UTP6: variants seen among roughly 807,000 people sequenced by gnomAD.
UTP6 encodes the protein U3 small nucleolar RNA-associated protein 6 homolog.
UTP6 carries 60 observed loss-of-function variants against 96.5 expected under a neutral mutation model. That is an observed-to-expected ratio of 0.62 (90% CI 0.51 to 0.77). UTP6 has a LOEUF of 0.77. Ranked by LOEUF, UTP6 falls within the 30% of genes least tolerant of loss-of-function variation. UTP6 has a pLI of 0.00. For synonymous variants in UTP6, 215 were observed against 240.1 expected, an observed-to-expected ratio of 0.90 and a Z score of 0.96; for missense variants, 637 against 706.5, an observed-to-expected ratio of 0.90 and a Z score of 1.12.
chr17:31,896,873 C>T (rs1312033610), intron 2 of UTP6, among the ~76,000 whole-genome samples: 5 of 151,812 alleles, frequency 3.3e-5, no homozygotes, highest in African/African-American at 7.3e-5. Context: ...TGGGCTCAAG[C>T]GATCTGCCTG....
In UTP6 at chr17:31,875,318, C is replaced by G. The variant is rs199600351; in HGVS notation, c.1221G>C (p.Gln407His). Residue 407 changes from glutamine (Q) to histidine (H), a missense_variant, in exon 14 of 19, where the codon CAG becomes CAC. Gln to His is a conservative substitution (Grantham distance 24). Coordinates refer to ENST00000261708, the MANE Select transcript of UTP6 (RefSeq NM_018428.3). ...ELFRDSGTMWQLKLQVLIESK... is the reference protein window; with the variant it reads ...ELFRDSGTMWHLKLQVLIESK... The stretch of plus-strand genomic sequence containing the variant: ...ACTCGATCAGCACCTGCAGCTTCAG[C>G]TGCCACATTGTCCCAGAGTCTCTAA... The G allele has an allele frequency of 1.1e-5, 18 of 1,614,094 alleles. No homozygotes were observed. The highest frequency in any genetic ancestry group is 8.5e-7 in the Non-Finnish European group (1 of 1,180,046).
At chr17:31,866,913 A>AAAG (rs58862601) in intron 17 of UTP6, among the ~76,000 whole-genome samples, 5 of 147,266 alleles carry the variant, frequency 3.4e-5, no homozygotes, top group Admixed American at 6.9e-5. Context: ...AAAAAAAAAA[A>AAAG]GTCAATTTAA....
rs142908717 is a variant in UTP6 at position 31,893,243 on chromosome 17, G to A, written c.313-449C>T. Among the ~76,000 whole-genome samples, 28 of 151,642 alleles carry A rather than the reference G, an allele frequency of 1.8e-4. No homozygotes were observed. The East Asian group carries it at 5.3e-3, about 29-fold the overall frequency. Reference sequence around the variant, plus strand: ...CTGCACTCCAGCCTGGGCAACATAGGGAAGCTCCAACTCAAAAAAACAAAC... The same window carrying A: ...CTGCACTCCAGCCTGGGCAACATAGAGAAGCTCCAACTCAAAAAAACAAAC... On this transcript the variant is annotated intron_variant, in intron 4 of 18. Coordinates refer to ENST00000261708, the MANE Select transcript of UTP6 (RefSeq NM_018428.3).
rs751917028 is a variant in UTP6, at chr17:31,889,358, G to A, written c.470C>T (p.Ser157Phe). The change falls in exon 7 of 19, where the codon TCT becomes TTT. Residue 157 changes from serine (S) to phenylalanine (F), a missense_variant. Physicochemically the swap from Ser to Phe is radical, Grantham distance 155. Transcript: ENST00000261708. ...AAATAGTTGCCTTGCGCTTTCTGAAGACAATCGATCTTCCATTTCCCATTT... is the reference window on the plus strand; with the variant it reads ...AAATAGTTGCCTTGCGCTTTCTGAAAACAATCGATCTTCCATTTCCCATTT... ...AAKWEMEDRLSSESARQLFLR... is the reference protein window; with the variant it reads ...AAKWEMEDRLFSESARQLFLR... The A allele has an allele frequency of 6.2e-7, 1 of 1,613,830 alleles. No homozygotes were observed. Among genetic ancestry groups the A allele is most frequent in the Non-Finnish European group, 8.5e-7 (1 of 1,179,922 alleles).
At chr17:31,886,101 C>T (rs1598110570) in intron 8 of UTP6, 40 bp from the exon 9 acceptor site, 2 of 1,571,902 alleles carry the variant, frequency 1.3e-6, no homozygotes, top group South Asian at 2.3e-5. Context: ...ACAGGTAGTA[C>T]AAGGAGGAAA....
chr17:31,865,302 T>G (rs1326601518), intron 18 of UTP6, 64 bp downstream of exon 18: 2 of 1,550,574 alleles, frequency 1.3e-6, no homozygotes, highest in East Asian at 4.5e-5. Flanking sequence ...CATGAGCCAC[T>G]GTACTCAGCC....
intron 18 of UTP6, 92 bp from the exon 19 acceptor site, chr17:31,863,608 C>T (rs1469997604): frequency 1.7e-6 from 2 of 1,183,066 alleles, no homozygotes; most frequent in East Asian, 5.1e-5. Context: ...TTCTAAGAAA[C>T]TTAACTTCTC....
intron 16 of UTP6, among the ~76,000 whole-genome samples, chr17:31,872,206 G>A (rs961761380): frequency 2.0e-5 from 3 of 150,932 alleles, no homozygotes; most frequent in African/African-American, 4.9e-5. Flanking sequence ...AAAAAAAAAA[G>A]AAATTTTTTT....
At chr17:31,866,160 G>A (rs944076158) in intron 17 of UTP6, among the ~76,000 whole-genome samples, 5 of 151,116 alleles carry the variant, frequency 3.3e-5, no homozygotes, top group Non-Finnish European at 7.4e-5. Flanking sequence ...GGTGGCGGGT[G>A]CCTGTAGTCC....
chr17:31,868,163 ACATCT>A, intron 16 of UTP6, 51 bp from the exon 17 acceptor site: 1 of 1,539,776 alleles, frequency 6.5e-7, no homozygotes, highest in Non-Finnish European at 8.9e-7. Context: ...AAAGCCTCTT[ACATCT>A]CATAACTGTA....
intron 1 of UTP6, among the ~76,000 whole-genome samples, chr17:31,900,993 T>C (rs1432818839): frequency 6.6e-6 from 1 of 152,176 alleles, no homozygotes; most frequent in East Asian, 1.9e-4. Flanking sequence ...ACAGAAACCA[T>C]TAAAAACTAT....
chr17:31,874,396 A>C (rs1910366401), intron 14 of UTP6: 1 of 152,002 alleles, frequency 6.6e-6, no homozygotes, highest in Admixed American at 6.6e-5. Context: ...AAATACAAAA[A>C]TTAGCTGGGC....
chr17:31,872,505 C>CA (rs1264145141), intron 16 of UTP6, among the ~76,000 whole-genome samples: 1,709 of 128,670 alleles, frequency 0.013, 23 homozygotes, highest in African/African-American at 0.039. Context: ...CAGTCTCTAC[C>CA]AAAAAAAAAA....
At chr17:31,864,985 T>C (rs1909733422) in intron 18 of UTP6, among the ~76,000 whole-genome samples, 1 of 152,106 alleles carries the variant, frequency 6.6e-6, no homozygotes, top group African/African-American at 2.4e-5. Context: ...AGGGTTATGA[T>C]GCAAATCAAA....
Position 31,886,022 on chromosome 17 carries a change from A to G in UTP6, c.661T>C (p.Leu221=). The G allele has an allele frequency of 1.2e-6, 2 of 1,613,898 alleles. No homozygotes were observed. The highest frequency in any genetic ancestry group is 4.5e-5 in the East Asian group (2 of 44,868). Residue 221 remains leucine, a synonymous_variant, in exon 9 of 19, where the codon TTG becomes CTG. Coordinates refer to ENST00000261708, the MANE Select transcript of UTP6 (RefSeq NM_018428.3). ...DYSEEILKGE[L]AWIIYKNSVS... ...GAATTTTTGTAGATGATCCATGCCAACTCGCCCTTAAGGATTTCTTCAGAA... is the reference window on the plus strand; with the variant it reads ...GAATTTTTGTAGATGATCCATGCCAGCTCGCCCTTAAGGATTTCTTCAGAA...
chr17:31,867,507 C>CAAA (rs753954881), intron 17 of UTP6, among the ~76,000 whole-genome samples: 5 of 117,826 alleles, frequency 4.2e-5, no homozygotes, highest in African/African-American at 9.4e-5. Flanking sequence ...GACTCTATCT[C>CAAA]AAAAAAAAAA....
intron 17 of UTP6, among the ~76,000 whole-genome samples, chr17:31,867,336 C>T (rs746755966): frequency 2.7e-4 from 41 of 151,820 alleles, no homozygotes; most frequent in Non-Finnish European, 5.7e-4. Context: ...GGCAAAACCC[C>T]GTCTCTATTG....
intron 17 of UTP6, among the ~76,000 whole-genome samples, chr17:31,865,692 G>A (rs1356873849): frequency 6.6e-6 from 1 of 152,194 alleles, no homozygotes; most frequent in Non-Finnish European, 1.5e-5. Flanking sequence ...TGGGGGACAT[G>A]GGCAGCTTCA....
chr17:31,870,262 G>C (rs1046590200), intron 16 of UTP6, among the ~76,000 whole-genome samples: 1 of 152,126 alleles, frequency 6.6e-6, no homozygotes, highest in Non-Finnish European at 1.5e-5. Context: ...GATTTCCACA[G>C]TGGCTGAACT....
Sources: gnomAD v4.1 joint callset for allele counts (sites outside exome capture counted in the v4.1 genomes callset) on GRCh38, gnomAD v4.1.1 for gene constraint, MANE v1.5 for transcripts, NCBI Gene and HGNC (gene_info 2026-07-23, HGNC 2026-07-21) for gene names.